Variants in KCNIP1 observed in about 807,000 individuals in gnomAD.
KCNIP1 encodes A-type potassium channel modulatory protein KCNIP1.
Under a neutral mutation model 33.0 loss-of-function variants are expected in KCNIP1, and 18 were observed. The observed-to-expected ratio is 0.55, with a 90% CI of 0.38 to 0.81. The LOEUF (loss-of-function observed/expected upper bound fraction) is 0.81. Among genes scored for constraint, KCNIP1 ranks in the 30% least tolerant of loss-of-function variants. KCNIP1 has a pLI of 0.00. For synonymous variants in KCNIP1, 93 were observed against 98.3 expected, an observed-to-expected ratio of 0.95 and a Z score of 0.32; for missense variants, 238 against 271.6, an observed-to-expected ratio of 0.88 and a Z score of 0.87.
rs139224121 is a variant in KCNIP1, at chr5:170,709,318, T to C, written c.62-9440T>C. Among the ~76,000 whole-genome samples the C allele has an allele frequency of 3.5e-3, 536 of 152,344 alleles. 6 individuals are homozygous for C. Among genetic ancestry groups the C allele is most frequent in the African/African-American group, 0.012 (504 of 41,580 alleles). On this transcript the variant is annotated intron_variant, in intron 1 of 7. Transcript: ENST00000328939. ...CTATCAGTCTTTGCTTTATTTGTAT[T>C]TTGAAGCTACATTATTAGTACATAT...
intron 1 of KCNIP1, among the ~76,000 whole-genome samples, chr5:170,607,613 G>A (rs1420757397): frequency 6.6e-6 from 1 of 152,174 alleles, no homozygotes; most frequent in Non-Finnish European, 1.5e-5. Context: ...TCCAATCATG[G>A]CAAAGAAAAT....
At chr5:170,407,453 A>T (rs1040100325) in intron 1 of KCNIP1, among the ~76,000 whole-genome samples, 5 of 152,232 alleles carry the variant, frequency 3.3e-5, no homozygotes, top group Admixed American at 1.3e-4. Flanking sequence ...AAATTTTTTT[A>T]AATGCTATGT....
chr5:170,496,489 G>A (rs1271437556), intron 1 of KCNIP1, among the ~76,000 whole-genome samples: 1 of 152,154 alleles, frequency 6.6e-6, no homozygotes, highest in Admixed American at 6.5e-5. Flanking sequence ...CTATAAAACA[G>A]GAAACAATGA....
chr5:170,381,168 G>A (rs921337036), intron 1 of KCNIP1, among the ~76,000 whole-genome samples: 1 of 152,136 alleles, frequency 6.6e-6, no homozygotes, highest in African/African-American at 2.4e-5. Flanking sequence ...GGCCTGTTTG[G>A]CAAGACACTG....
chr5:170,494,057 CA>C (rs1757263397), intron 1 of KCNIP1, among the ~76,000 whole-genome samples: 2 of 152,194 alleles, frequency 1.3e-5, no homozygotes, highest in African/African-American at 4.8e-5. Context: ...CAGGGACTGG[CA>C]GTGTGGGAAC....
intron 1 of KCNIP1, among the ~76,000 whole-genome samples, chr5:170,601,694 T>G (rs1023363338): frequency 6.6e-6 from 1 of 152,236 alleles, no homozygotes; most frequent in African/African-American, 2.4e-5. Flanking sequence ...ACACCTGCTC[T>G]GGGCCACAGA....
intron 1 of KCNIP1, among the ~76,000 whole-genome samples, chr5:170,424,588 A>G (rs1300871795): frequency 6.6e-6 from 1 of 152,146 alleles, no homozygotes; most frequent in South Asian, 2.1e-4. Flanking sequence ...GGGGCAGGGT[A>G]GATACTGATC....
intron 1 of KCNIP1, among the ~76,000 whole-genome samples, chr5:170,555,752 T>C (rs1005848629): frequency 1.4e-4 from 22 of 152,180 alleles, no homozygotes; most frequent in Non-Finnish European, 7.3e-5. Context: ...CACAGAGTCT[T>C]CATGAAATGA....
chr5:170,554,587 G>A (rs1298615792), intron 1 of KCNIP1, among the ~76,000 whole-genome samples: 2 of 152,194 alleles, frequency 1.3e-5, no homozygotes, highest in African/African-American at 2.4e-5. Context: ...GCCAGATTTG[G>A]GGCTGAGCCG....
chr5:170,705,660 T>C (rs1043770293), intron 1 of KCNIP1, among the ~76,000 whole-genome samples: 1 of 152,222 alleles, frequency 6.6e-6, no homozygotes, highest in Non-Finnish European at 1.5e-5. Context: ...AAAACGATCA[T>C]ATTTACTTTA....
chr5:170,552,046 C>T (rs1255020430), intron 1 of KCNIP1, among the ~76,000 whole-genome samples: 2 of 151,392 alleles, frequency 1.3e-5, no homozygotes, highest in African/African-American at 4.9e-5. Context: ...TGTGTTCATG[C>T]CGATGTTCAC....
intron 1 of KCNIP1, among the ~76,000 whole-genome samples, chr5:170,416,191 T>C (rs2113416763): frequency 6.6e-6 from 1 of 152,210 alleles, no homozygotes; most frequent in African/African-American, 2.4e-5. Context: ...GATTCCTAAA[T>C]CTGGTCTGAA....
chr5:170,372,635 C>T (rs1021342929), intron 1 of KCNIP1, among the ~76,000 whole-genome samples: 1 of 152,146 alleles, frequency 6.6e-6, no homozygotes, highest in African/African-American at 2.4e-5. Context: ...GACCAAATAT[C>T]TTTCTGTGAG....
At chr5:170,561,676 C>T (rs934049158) in intron 1 of KCNIP1, among the ~76,000 whole-genome samples, 1 of 152,208 alleles carries the variant, frequency 6.6e-6, no homozygotes, top group Non-Finnish European at 1.5e-5. Flanking sequence ...TCACACAGGA[C>T]GCCTATGCAC....
At chr5:170,498,282 C>T (rs1178265671) in intron 1 of KCNIP1, among the ~76,000 whole-genome samples, 2 of 152,202 alleles carry the variant, frequency 1.3e-5, no homozygotes, top group Admixed American at 6.5e-5. Context: ...CGACCTCCAA[C>T]GACATTGCTG....
intron 1 of KCNIP1, among the ~76,000 whole-genome samples, chr5:170,548,557 T>G (rs1387351245): frequency 6.6e-6 from 1 of 152,236 alleles, no homozygotes; most frequent in Non-Finnish European, 1.5e-5. Flanking sequence ...CAAACCCATG[T>G]GAGAGCTCAC....
chr5:170,582,386 C>A (rs767919261), intron 1 of KCNIP1, among the ~76,000 whole-genome samples: 35 of 152,146 alleles, frequency 2.3e-4, no homozygotes, highest in Admixed American at 1.2e-3. Flanking sequence ...CACAAGGTTG[C>A]CATGAGAAAT....
rs112334677 is a variant in KCNIP1 at position 170,457,986 on chromosome 5, T to G, written c.88+104022T>G. Among the ~76,000 whole-genome samples the G allele has an allele frequency of 3.7e-4, 56 of 152,170 alleles. 3 individuals are homozygous for G. Among genetic ancestry groups the G allele is most frequent in the African/African-American group, 1.3e-3 (53 of 41,534 alleles). On this transcript the variant is annotated intron_variant, in intron 1 of 7. Transcript: ENST00000377360. ...AGGGAGAGATTTTCAATGAAATAGATAGCATAAATAAAAAACAATCAAAAC... is the reference window on the plus strand; with the variant it reads ...AGGGAGAGATTTTCAATGAAATAGAGAGCATAAATAAAAAACAATCAAAAC...
intron 1 of KCNIP1, among the ~76,000 whole-genome samples, chr5:170,442,309 C>T (rs1756012772): frequency 6.6e-6 from 1 of 152,160 alleles, no homozygotes; most frequent in Non-Finnish European, 1.5e-5. Flanking sequence ...GTCATCGGGG[C>T]CAGATCCTCA....
Sources: allele counts gnomAD v4.1 joint callset (sites outside exome capture counted in the v4.1 genomes callset), GRCh38; gene constraint gnomAD v4.1.1; transcripts MANE v1.5; gene names NCBI Gene and HGNC (gene_info 2026-07-23, HGNC 2026-07-21).